The following ANP32B variants were observed in gnomAD, a reference collection of about 807,000 sequenced individuals.
The protein encoded by ANP32B is acidic leucine-rich nuclear phosphoprotein 32 family member B.
Under a neutral mutation model 32.2 loss-of-function variants are expected in ANP32B, and 6 were observed. The observed-to-expected ratio is 0.19, with a 90% CI of 0.10 to 0.37. The LOEUF is 0.37. Among genes scored for constraint, ANP32B ranks in the 10% least tolerant of loss-of-function variants. The pLI is 1.00. For missense variants in ANP32B, 204 were observed against 289.2 expected (o/e 0.71, Z 2.14); for synonymous variants, 98 against 105.8 (o/e 0.93, Z 0.45).
In ANP32B at chr9:97,994,654, T is replaced by C. The variant is rs930015470; in HGVS notation, c.78T>C (p.Asn26=). ...AGGTTCGAGAACTTGTCTTGGACAA[T>C]TGCAAATCAAATGATGGAAAAATTG... is the stretch of plus-strand genomic sequence containing the variant. ...PAAVRELVLD[N]CKSNDGKIEG... is the part of the protein sequence containing the mutation. Residue 26 remains asparagine, a synonymous_variant, in exon 2 of 7, where the codon AAT becomes AAC. Coordinates refer to ENST00000339399, the MANE Select transcript of ANP32B (RefSeq NM_006401.3). The C allele has an allele frequency of 1.1e-5, 17 of 1,609,214 alleles. No homozygotes were observed. The East Asian group carries it at 3.8e-4, about 36-fold the overall frequency.
At position 97,987,325 on chromosome 9, in the gene ANP32B, G is replaced by T. The variant is rs146808823; in HGVS notation, c.54+3716G>T. Among the ~76,000 whole-genome samples the T allele has an allele frequency of 1.4e-4, 21 of 152,220 alleles. No individual in the cohort carries two copies. The East Asian group carries it at 3.7e-3, about 27-fold the overall frequency. ...AAAAACATTTTATAGACAAGGATAG[G>T]AGATAGTTTGTATGACAAGGAAATA... On this transcript the variant is annotated intron_variant, in intron 1 of 6. Coordinates refer to ENST00000339399, the MANE Select transcript of ANP32B (RefSeq NM_006401.3).
rs370788415 is a variant in ANP32B, at chr9:97,983,512, C to T, written c.-44C>T. 1.8e-4 allele frequency: 270 copies of T among 1,523,452 alleles called. No homozygotes were observed. The highest frequency in any genetic ancestry group is 6.2e-4 in the Middle Eastern group (3 of 4,806). The allele number at this position is 1,523,452 out of a possible 1,614,324, so 94.4% of individuals were successfully genotyped here. On this transcript the variant is annotated 5_prime_UTR_variant, in exon 1 of 7. Transcript: ENST00000339399. ...CCGGGACGCCTCTCCCCCCTCCGCCCCCGCCGCGGAAAGTTAAGTTTGAAG... is the reference window on the plus strand; with the variant it reads ...CCGGGACGCCTCTCCCCCCTCCGCCTCCGCCGCGGAAAGTTAAGTTTGAAG...
chr9:97,998,008 T>G (rs1448423074), intron 2 of ANP32B, among the ~76,000 whole-genome samples: 2 of 152,340 alleles, frequency 1.3e-5, no homozygotes, highest in Admixed American at 6.5e-5. Flanking sequence ...CCTACTCCCT[T>G]TCCTGAGGTT....
In ANP32B at chr9:98,015,891, C is replaced by CA. The variant is rs774143003; in HGVS notation, c.*466dup. 74 of 973,878 alleles carry CA rather than the reference C, an allele frequency of 7.6e-5. No individual in the cohort carries two copies. Among genetic ancestry groups the CA allele is most frequent in the Non-Finnish European group, 8.9e-5 (73 of 819,392 alleles). 60.3% of individuals were successfully genotyped at this position (973,878 alleles called of 1,614,324 possible). On this transcript the variant is annotated 3_prime_UTR_variant, in exon 7 of 7. Coordinates refer to ENST00000339399, the MANE Select transcript of ANP32B (RefSeq NM_006401.3). ...TTAGGACATTTTATGTGACAACTGC[C>CA]AAAAAAGTATTTTTAAGAATTTAAG...
At chr9:98,006,487 G>A (rs1283836511) in intron 4 of ANP32B, among the ~76,000 whole-genome samples, 1 of 152,066 alleles carries the variant, frequency 6.6e-6, no homozygotes, top group Non-Finnish European at 1.5e-5. Context: ...AGTAAAAAAC[G>A]TCGCTGGAGA....
At chr9:98,004,559 C>T (rs1293604779) in intron 3 of ANP32B, among the ~76,000 whole-genome samples, 7 of 152,122 alleles carry the variant, frequency 4.6e-5, no homozygotes, top group Non-Finnish European at 8.8e-5. Flanking sequence ...TATACTGCCA[C>T]CCTAGAACAT....
In ANP32B at chr9:98,015,591, T is replaced by G. The variant is rs931487099; in HGVS notation, c.*160T>G. ...GAATAGTTCCTGTGACATTCCGCCT[T>G]CCTTCCATGTAGTCCCTCTTGGTAA... is the stretch of plus-strand genomic sequence containing the variant. On this transcript the variant is annotated 3_prime_UTR_variant, in exon 7 of 7. Transcript: ENST00000339399. The G allele has an allele frequency of 1.5e-6, 2 of 1,355,624 alleles. No individual in the cohort carries two copies. The highest frequency in any genetic ancestry group is 2.9e-5 in the African/African-American group (2 of 67,826). The allele number at this position is 1,355,624 out of a possible 1,614,324, so 84.0% of individuals were successfully genotyped here.
At chr9:97,998,495 T>C (rs1827940127) in intron 2 of ANP32B, 61 bp from the exon 3 acceptor site, 1 of 1,527,628 alleles carries the variant, frequency 6.5e-7, no homozygotes, top group East Asian at 2.4e-5. Context: ...TACAATACCT[T>C]AAATGATTTC....
At position 98,005,038 on chromosome 9, in the gene ANP32B, T is replaced by A; in HGVS notation, c.402T>A (p.Ser134Arg). The change falls in exon 4 of 7, where the codon AGT (serine) becomes AGA (arginine). Residue 134 changes from serine (S) to arginine (R), a missense_variant. Transcript: ENST00000339399. ...EVTNLNDYRE[S>R]VFKLLPQLTY... ...CCAACCTGAATGACTACCGAGAGAG[T>A]GTCTTCAAGCTCCTGCCCCAGCTTA... 6.2e-7 allele frequency: 1 copy of A among 1,608,114 alleles called. No homozygotes were observed. Among genetic ancestry groups the A allele is most frequent in the Non-Finnish European group, 8.5e-7 (1 of 1,177,532 alleles).
intron 2 of ANP32B, 121 bp downstream of exon 2, chr9:97,994,901 A>G (rs1564137268): frequency 2.1e-6 from 2 of 942,714 alleles, no homozygotes; most frequent in Non-Finnish European, 1.5e-6. Flanking sequence ...CTGGGCAGAT[A>G]TGGGATTGAA....
chr9:97,983,736 CG>C, intron 1 of ANP32B, 127 bp downstream of exon 1: 1 of 656,214 alleles, frequency 1.5e-6, no homozygotes, highest in South Asian at 5.6e-5. Context: ...TGGGCTCGGA[CG>C]GGGAAGGCGG....
chr9:97,990,101 A>G (rs1180581507), intron 1 of ANP32B, among the ~76,000 whole-genome samples: 1 of 152,174 alleles, frequency 6.6e-6, no homozygotes, highest in East Asian at 1.9e-4. Flanking sequence ...TTTGTTCTGA[A>G]AATACCATTT....
intron 2 of ANP32B, among the ~76,000 whole-genome samples, 171 bp from the exon 3 acceptor site, chr9:97,998,385 C>T (rs1297765124): frequency 1.3e-5 from 2 of 152,170 alleles, no homozygotes; most frequent in Non-Finnish European, 2.9e-5. Context: ...CTTACCTTCT[C>T]CTGTTAATTA....
chr9:97,994,342 A>G lies in ANP32B; in HGVS notation c.55-289A>G, dbSNP rs564311723. Among the ~76,000 whole-genome samples, 164 of 152,374 alleles carry G rather than the reference A, an allele frequency of 1.1e-3. No homozygotes were observed. In the Middle Eastern group the frequency reaches 0.017, roughly 16 times the overall value. ...AGGCTGGAGAAAAGAAATAAGGGGA[A>G]TACGCTTACTTCACTTATATCTTAA... On this transcript the variant is annotated intron_variant, in intron 1 of 6. Transcript: ENST00000339399.
rs1827765770 is a variant in ANP32B, at chr9:97,988,016, C to CT, written c.54+4407_54+4408insT. On this transcript the variant is annotated intron_variant, in intron 1 of 6. Coordinates refer to ENST00000339399, the MANE Select transcript of ANP32B (RefSeq NM_006401.3). ...TATAGACAAGCAAAAAGAAGATAGA[C>CT]ATCATACATGCCTAACGTACCATCT... Among the ~76,000 whole-genome samples, 3 of 152,220 alleles carry CT rather than the reference C, an allele frequency of 2.0e-5. No individual in the cohort carries two copies. The South Asian group carries it at 6.2e-4, about 32-fold the overall frequency.
At chr9:98,002,499 A>G (rs1828009965) in intron 3 of ANP32B, 2 of 152,218 alleles carry the variant, frequency 1.3e-5, no homozygotes, top group African/African-American at 4.8e-5. Flanking sequence ...CAGTATTTAC[A>G]CATTACATTG....
intron 1 of ANP32B, among the ~76,000 whole-genome samples, chr9:97,985,825 G>C (rs1261289453): frequency 3.3e-5 from 5 of 151,664 alleles, no homozygotes; most frequent in African/African-American, 1.2e-4. Flanking sequence ...TCTTTTTTCT[G>C]TTTTTCTTTT....
Position 97,998,656 on chromosome 9 carries a change from A to T in ANP32B, c.305A>T (p.Asp102Val), listed in dbSNP as rs1366853824. ...AACTTAAGTGGAAATAAACTGAAAG[A>T]TATCAGCACCTTGGAACCTTTGGTA... is the stretch of plus-strand genomic sequence containing the variant. ...HLNLSGNKLK[D>V]ISTLEPLKKL... The change falls in exon 3 of 7, where the codon GAT becomes GTT. Residue 102 changes from aspartate (D) to valine (V), a missense_variant. Transcript: ENST00000339399. The T allele has an allele frequency of 6.2e-7, 1 of 1,607,080 alleles. No individual in the cohort carries two copies. The highest frequency in any genetic ancestry group is 1.1e-5 in the South Asian group (1 of 89,672).
At chr9:97,984,192 TCGGGCGCCTGGAGGCCTGGG>T (rs1194897021) in intron 1 of ANP32B, among the ~76,000 whole-genome samples, 1 of 149,308 alleles carries the variant, frequency 6.7e-6, no homozygotes, top group African/African-American at 2.5e-5. Context: ...AGAAGCCCCC[TCGGGCGCCTGGAGGCCTGGG>T]CGGGCGCGGC....
Sources: gnomAD v4.1 joint callset for allele counts (sites outside exome capture counted in the v4.1 genomes callset) on GRCh38, gnomAD v4.1.1 for gene constraint, MANE v1.5 for transcripts, NCBI Gene and HGNC (gene_info 2026-07-23, HGNC 2026-07-21) for gene names.